The following ITPR1 variants were observed in gnomAD, a reference collection of about 807,000 sequenced individuals.
ITPR1 encodes inositol 1,4,5-trisphosphate receptor type 1, also known as inositol 1,4,5-trisphosphate-gated calcium channel ITPR1.
In ITPR1, 96 loss-of-function variants were observed where a neutral mutation model predicts 318.4. The observed-to-expected ratio is 0.30, with a 90% CI of 0.26 to 0.36. The LOEUF is 0.36. Ranked by LOEUF, ITPR1 falls within the 10% of genes least tolerant of loss-of-function variation. The pLI is 1.00. For missense variants in ITPR1, 2,440 were observed against 3,460.2 expected, an observed-to-expected ratio of 0.71 and a Z score of 7.40; for synonymous variants, 1,312 against 1,289.9, an observed-to-expected ratio of 1.02 and a Z score of -0.37.
At chr3:4,633,485 T>A (rs2093080684) in intron 5 of ITPR1, among the ~76,000 whole-genome samples, 1 of 152,236 alleles carries the variant, frequency 6.6e-6, no homozygotes, top group African/African-American at 2.4e-5. Flanking sequence ...CAGACTATTT[T>A]AAATTAATGC....
chr3:4,783,779 G>C, intron 50 of ITPR1, 37 bp from the exon 51 acceptor site: 5 of 1,462,692 alleles, frequency 3.4e-6, no homozygotes, highest in Non-Finnish European at 3.8e-6. Flanking sequence ...GTTGTGAAGA[G>C]ACACCAACCT....
chr3:4,648,735 G>A (rs921421944), intron 10 of ITPR1, among the ~76,000 whole-genome samples: 1 of 152,084 alleles, frequency 6.6e-6, no homozygotes, highest in Non-Finnish European at 1.5e-5. Flanking sequence ...ACTTGAACCC[G>A]GGAGGCGGAG....
In ITPR1 at chr3:4,706,338, T is replaced by C; in HGVS notation, c.4829T>C (p.Ile1610Thr). 3 of 1,609,436 alleles carry C rather than the reference T, an allele frequency of 1.9e-6. No homozygotes were observed. Among genetic ancestry groups the C allele is most frequent in the Non-Finnish European group, 2.6e-6 (3 of 1,176,410 alleles). Residue 1610 changes from isoleucine to threonine, a missense_variant, in exon 37 of 62, where the codon ATT becomes ACT. Coordinates refer to ENST00000649015, the MANE Select transcript of ITPR1 (RefSeq NM_001378452.1). ...GCTTCCAGAGACTACCGGAATATCA[T>C]TGAGAGATTGCAGGTAATGCCTGGT... is the stretch of plus-strand genomic sequence containing the variant. ...LAASRDYRNIIERLQDIVSAL... is the reference protein window; with the variant it reads ...LAASRDYRNITERLQDIVSAL...
At chr3:4,643,858 G>GT (rs755844856) in intron 7 of ITPR1, among the ~76,000 whole-genome samples, 2,697 of 143,816 alleles carry the variant, frequency 0.019, 68 homozygotes, top group African/African-American at 0.052. Context: ...AAACTGAACA[G>GT]TTTTTTTTTT....
chr3:4,711,180 C>T (rs1425995168), intron 38 of ITPR1, among the ~76,000 whole-genome samples: 1 of 139,256 alleles, frequency 7.2e-6, no homozygotes, highest in Non-Finnish European at 1.5e-5. Flanking sequence ...TACTGCACTC[C>T]AGCCTGGGTG....
chr3:4,795,592 C>T (rs899206317), intron 53 of ITPR1, among the ~76,000 whole-genome samples: 9 of 152,146 alleles, frequency 5.9e-5, no homozygotes, highest in African/African-American at 1.4e-4. Context: ...GTTTCCACAC[C>T]GCACTTCTGG....
At chr3:4,811,551 G>A in intron 56 of ITPR1, 91 bp downstream of exon 56, 1 of 996,698 alleles carries the variant, frequency 1.0e-6, no homozygotes, top group South Asian at 1.5e-5. Flanking sequence ...TAGTAATGCA[G>A]ATATCTCCCC....
intron 37 of ITPR1, among the ~76,000 whole-genome samples, chr3:4,708,998 C>T (rs2094815804): frequency 6.6e-6 from 1 of 152,178 alleles, no homozygotes; most frequent in Non-Finnish European, 1.5e-5. Context: ...AAAGTTCAAA[C>T]TGTGCAAAAG....
At chr3:4,504,308 G>A (rs1048619938) in intron 2 of ITPR1, among the ~76,000 whole-genome samples, 8 of 152,274 alleles carry the variant, frequency 5.3e-5, no homozygotes, top group Admixed American at 3.9e-4. Flanking sequence ...GTTGCGGCGG[G>A]GGGAATGGAG....
At chr3:4,806,342 G>A in intron 55 of ITPR1, 75 bp downstream of exon 55, 1 of 1,394,772 alleles carries the variant, frequency 7.2e-7, no homozygotes, top group Non-Finnish European at 1.0e-6. Context: ...TCTCATCACA[G>A]ACCCTTCCTT....
chr3:4,722,290 T>G (rs373523192), intron 40 of ITPR1, among the ~76,000 whole-genome samples: 59 of 152,260 alleles, frequency 3.9e-4, no homozygotes, highest in African/African-American at 1.3e-3. Flanking sequence ...CCAGAGCACA[T>G]CAGATCACTA....
rs772788753 is a variant in ITPR1 at position 4,777,260 on chromosome 3, T to G, written c.6181-4T>G. 1.1e-5 allele frequency: 18 copies of G among 1,574,550 alleles called. No homozygotes were observed. The highest frequency in any genetic ancestry group is 1.6e-5 in the Non-Finnish European group (18 of 1,151,684). On this transcript the variant is annotated splice_region_variant and splice_polypyrimidine_tract_variant and intron_variant, in intron 47 of 61. Coordinates refer to ENST00000649015, the MANE Select transcript of ITPR1 (RefSeq NM_001378452.1). ...TGTGAATGTCTGTGTGTGTCTTTGC[T>G]CAGAACTGCATAGCCACCCATGAAT...
At chr3:4,514,872 A>G (rs532153260) in intron 2 of ITPR1, among the ~76,000 whole-genome samples, 1 of 152,222 alleles carries the variant, frequency 6.6e-6, no homozygotes, top group Admixed American at 6.5e-5. Flanking sequence ...TGTTTAAAAC[A>G]TTGGTTTGCC....
chr3:4,570,533 T>C (rs1322798134), intron 4 of ITPR1, among the ~76,000 whole-genome samples: 1 of 152,240 alleles, frequency 6.6e-6, no homozygotes, highest in Non-Finnish European at 1.5e-5. Flanking sequence ...TTTAACCACC[T>C]GTACAGCAAA....
chr3:4,741,597 T>C (rs900358774), intron 44 of ITPR1, among the ~76,000 whole-genome samples: 6 of 151,978 alleles, frequency 3.9e-5, no homozygotes, highest in Non-Finnish European at 8.8e-5. Context: ...GAACAAGTGT[T>C]AGATAGGAAA....
At chr3:4,841,876 G>A (rs1022049100) in intron 61 of ITPR1, among the ~76,000 whole-genome samples, 1 of 152,302 alleles carries the variant, frequency 6.6e-6, no homozygotes, top group Middle Eastern at 3.4e-3. Context: ...TTCAAGGGAT[G>A]GTTTGGTTTC....
At chr3:4,733,246 C>A in intron 43 of ITPR1, 26 bp downstream of exon 43, 2 of 1,611,474 alleles carry the variant, frequency 1.2e-6, no homozygotes, top group African/African-American at 1.3e-5. Context: ...TAATTACCTT[C>A]GTGTGTGAAT....
chr3:4,577,995 T>C (rs1012799017), intron 4 of ITPR1, among the ~76,000 whole-genome samples: 5 of 152,246 alleles, frequency 3.3e-5, no homozygotes, highest in African/African-American at 1.2e-4. Context: ...GTTGCATTTT[T>C]ACCTGAAGCT....
At chr3:4,617,756 G>A (rs893411904) in intron 4 of ITPR1, among the ~76,000 whole-genome samples, 1 of 151,588 alleles carries the variant, frequency 6.6e-6, no homozygotes, top group East Asian at 1.9e-4. Flanking sequence ...GGCCAAGGTG[G>A]ATAAATCGCT....
Sources: allele counts gnomAD v4.1 joint callset (sites outside exome capture counted in the v4.1 genomes callset), GRCh38; gene constraint gnomAD v4.1.1; transcripts MANE v1.5; gene names NCBI Gene and HGNC (gene_info 2026-07-23, HGNC 2026-07-21).